The following ZNF793 variants were observed in gnomAD, a reference collection of about 807,000 sequenced individuals.
ZNF793 encodes zinc finger protein 793.
A neutral mutation model predicts 12.4 loss-of-function variants in ZNF793; 5 were observed. The ratio of observed to expected loss-of-function variants is 0.40; its 90% CI spans 0.21 to 0.84. ZNF793 has a LOEUF of 0.84. Among genes scored for constraint, ZNF793 ranks in the 40% least tolerant of loss-of-function variants. The probability of loss-of-function intolerance (pLI) is 0.35; values close to 1 mark genes in which losing one functional copy is unlikely to be tolerated. For missense variants in ZNF793, 456 were observed against 495.0 expected (o/e 0.92, Z 0.75); for synonymous variants, 162 against 172.4 (o/e 0.94, Z 0.47).
chr19:37,526,790 G>A (rs576957895), intron 5 of ZNF793, among the ~76,000 whole-genome samples: 4 of 152,302 alleles, frequency 2.6e-5, no homozygotes, highest in Non-Finnish European at 4.4e-5. Flanking sequence ...GTGGGCCTGG[G>A]CTGCTCTCAG....
At chr19:37,507,961 G>T (rs955141376) in intron 1 of ZNF793, among the ~76,000 whole-genome samples, 1 of 152,162 alleles carries the variant, frequency 6.6e-6, no homozygotes, top group Non-Finnish European at 1.5e-5. Context: ...GGTTGGTGTT[G>T]AGGGTCCTGA....
At chr19:37,508,075 G>A (rs1433732058) in intron 1 of ZNF793, among the ~76,000 whole-genome samples, 190 bp from the exon 2 acceptor site, 1 of 152,182 alleles carries the variant, frequency 6.6e-6, no homozygotes, top group Non-Finnish European at 1.5e-5. Flanking sequence ...ATAGCAGCCA[G>A]TTCCTCTCCA....
rs1235205309 is a variant in ZNF793 at position 37,537,429 on chromosome 19, C to T, written c.771C>T (p.Cys257=). 9.3e-6 allele frequency: 15 copies of T among 1,613,270 alleles called. No individual in the cohort carries two copies. The highest frequency in any genetic ancestry group is 1.3e-5 in the Non-Finnish European group (15 of 1,179,524). ...RSHTGEKPYG[C]TDCGKAFSHK... is the part of the protein sequence containing the mutation. Reference sequence around the variant, plus strand: ...ACACTGGGGAGAAGCCTTATGGCTGCACTGACTGTGGGAAAGCCTTTTCAC... The same window carrying T: ...ACACTGGGGAGAAGCCTTATGGCTGTACTGACTGTGGGAAAGCCTTTTCAC... Residue 257 remains cysteine, a synonymous_variant, in exon 8 of 8, where the codon TGC becomes TGT. Transcript: ENST00000627814.
At chr19:37,518,586 G>T (rs1038276036) in intron 2 of ZNF793, among the ~76,000 whole-genome samples, 5 of 144,682 alleles carry the variant, frequency 3.5e-5, no homozygotes, top group Non-Finnish European at 7.5e-5. Context: ...TTGAGTCCGG[G>T]AGTCCAAGAC....
At position 37,537,112 on chromosome 19, in the gene ZNF793, T is replaced by G. The variant is rs774233566; in HGVS notation, c.454T>G (p.Leu152Val). 1 of 1,613,378 alleles carries G rather than the reference T, an allele frequency of 6.2e-7. No individual in the cohort carries two copies. The highest frequency in any genetic ancestry group is 1.1e-5 in the South Asian group (1 of 90,968). ...AAAGAATTTGAACCATAATTTAGAC[T>G]TGATTGGTTTTAAGAGAAACTGTGC... ...CGKNLNHNLD[L>V]IGFKRNCAKK... Residue 152 changes from leucine to valine, a missense_variant, in exon 8 of 8, where the codon TTG (leucine) becomes GTG (valine). Physicochemically the swap from Leu to Val is conservative, Grantham distance 32. Transcript: ENST00000627814.
rs1288454369 is a variant in ZNF793, at chr19:37,542,072, T to C, written c.*4193T>C. The stretch of plus-strand genomic sequence containing the variant: ...TGGAGAAATAAATTTTGAAAAACAA[T>C]GCAAATTACTGTTTTGGAAAGAAAT... On this transcript the variant is annotated 3_prime_UTR_variant, in exon 8 of 8. Transcript: ENST00000627814. 2 of 153,474 alleles carry C rather than the reference T, an allele frequency of 1.3e-5. No homozygotes were observed. Among genetic ancestry groups the C allele is most frequent in the Admixed American group, 6.4e-5 (1 of 15,572 alleles). The allele number at this position is 153,474 out of a possible 1,614,324, so 9.5% of individuals were successfully genotyped here.
In ZNF793 at chr19:37,542,903, A is replaced by T. The variant is rs1351082724; in HGVS notation, c.*5024A>T. The T allele has an allele frequency of 6.6e-6, 1 of 152,360 alleles. No individual in the cohort carries two copies. The highest frequency in any genetic ancestry group is 1.9e-4 in the East Asian group (1 of 5,200). 9.4% of individuals were successfully genotyped at this position (152,360 alleles called of 1,614,324 possible). A position where few individuals can be genotyped will look rare whatever the true frequency, so the allele number is the denominator to read the frequency against. On this transcript the variant is annotated 3_prime_UTR_variant, in exon 8 of 8. Transcript: ENST00000627814. ...TGACTTGGAGGGAGGTGGGTAATGC[A>T]GGTAGGTTATGGGGGAGTCAGGGGT...
At chr19:37,513,435 A>T (rs1382040922) in intron 2 of ZNF793, among the ~76,000 whole-genome samples, 2 of 152,240 alleles carry the variant, frequency 1.3e-5, no homozygotes, top group Non-Finnish European at 2.9e-5. Flanking sequence ...GGAGGTGCAC[A>T]TTAGACACTT....
chr19:37,516,324 G>A (rs916210635), intron 2 of ZNF793, among the ~76,000 whole-genome samples: 4 of 151,956 alleles, frequency 2.6e-5, no homozygotes, highest in African/African-American at 4.8e-5. Flanking sequence ...TAGTAGAGAC[G>A]GGGTTTCACC....
rs150943449 is a variant in ZNF793 at position 37,531,718 on chromosome 19, G to T, written c.16-638G>T. Reference sequence around the variant, plus strand: ...CTGTATGCCATAGCCTAGATGTCCTGCCATCACAGCTCTTGTGACATTTTT... The same window carrying T: ...CTGTATGCCATAGCCTAGATGTCCTTCCATCACAGCTCTTGTGACATTTTT... On this transcript the variant is annotated intron_variant, in intron 5 of 7. Coordinates refer to ENST00000627814, the MANE Select transcript of ZNF793 (RefSeq NM_001013659.3). Among the ~76,000 whole-genome samples, 40 of 152,232 alleles carry T rather than the reference G, an allele frequency of 2.6e-4. No homozygotes were observed. In the East Asian group the frequency reaches 4.8e-3, roughly 18 times the overall value.
intron 2 of ZNF793, among the ~76,000 whole-genome samples, chr19:37,517,917 T>G (rs1031350233): frequency 6.6e-6 from 1 of 152,158 alleles, no homozygotes; most frequent in Non-Finnish European, 1.5e-5. Context: ...ATTGGAAAAG[T>G]TAGAAAATGA....
intron 5 of ZNF793, 100 bp downstream of exon 5, chr19:37,523,554 G>C (rs560370290): frequency 1.7e-6 from 2 of 1,187,750 alleles, no homozygotes; most frequent in East Asian, 4.8e-5. Context: ...TGTACATACA[G>C]GCTGGGTTCT....
chr19:37,532,498 C>G lies in ZNF793; in HGVS notation c.142+16C>G. 1.3e-6 allele frequency: 2 copies of G among 1,573,538 alleles called. No individual in the cohort carries two copies. Among genetic ancestry groups the G allele is most frequent in the Non-Finnish European group, 1.7e-6 (2 of 1,160,512 alleles). On this transcript the variant is annotated intron_variant, in intron 6 of 7. Transcript: ENST00000627814. The stretch of plus-strand genomic sequence containing the variant: ...GTCTCAGTGGGTAAGAACATCCTCA[C>G]CATACAATGCAGATTATGTTCGAAT...
At chr19:37,514,183 A>G (rs1014464139) in intron 2 of ZNF793, among the ~76,000 whole-genome samples, 5 of 152,212 alleles carry the variant, frequency 3.3e-5, no homozygotes, top group Admixed American at 2.6e-4. Flanking sequence ...TTCAGAATAC[A>G]TATGTAAAAC....
chr19:37,516,551 G>T (rs947187939), intron 2 of ZNF793, among the ~76,000 whole-genome samples: 31 of 152,144 alleles, frequency 2.0e-4, no homozygotes, highest in African/African-American at 7.2e-4. Context: ...TCACAATCAC[G>T]TCACAATGCT....
chr19:37,517,421 A>C (rs2147069031), intron 2 of ZNF793, among the ~76,000 whole-genome samples: 2 of 145,828 alleles, frequency 1.4e-5, no homozygotes, highest in Admixed American at 1.4e-4. Context: ...GCACCACCGC[A>C]CTCCAGCCTG....
intron 2 of ZNF793, among the ~76,000 whole-genome samples, chr19:37,515,023 A>T (rs2042320309): frequency 6.6e-6 from 1 of 152,256 alleles, no homozygotes; most frequent in Non-Finnish European, 1.5e-5. Context: ...AAAAGTCAGT[A>T]GCAGACGTAA....
chr19:37,520,778 C>T (rs1326775189), intron 3 of ZNF793, among the ~76,000 whole-genome samples: 1 of 152,138 alleles, frequency 6.6e-6, no homozygotes, highest in Admixed American at 6.6e-5. Flanking sequence ...CCTCACCTGG[C>T]CTCTAGGAAT....
At chr19:37,512,165 C>T (rs140090599) in intron 2 of ZNF793, among the ~76,000 whole-genome samples, 1 of 152,240 alleles carries the variant, frequency 6.6e-6, no homozygotes, top group East Asian at 1.9e-4. Context: ...TTTCCACACA[C>T]ATAAGAGATT....
Sources: allele counts gnomAD v4.1 joint callset (sites outside exome capture counted in the v4.1 genomes callset), GRCh38; gene constraint gnomAD v4.1.1; transcripts MANE v1.5; gene names NCBI Gene and HGNC (gene_info 2026-07-23, HGNC 2026-07-21).